The following DPP6 variants were observed in gnomAD, a reference collection of about 807,000 sequenced individuals.
DPP6 encodes the protein dipeptidyl peptidase like 6.
Under a neutral mutation model 122.6 loss-of-function variants are expected in DPP6, and 69 were observed. The ratio of observed to expected loss-of-function variants is 0.56; its 90% confidence interval spans 0.46 to 0.69. The LOEUF is 0.69. Among genes scored for constraint, DPP6 ranks in the 30% least tolerant of loss-of-function variants. The probability of loss-of-function intolerance (pLI) is 0.00; values close to 1 mark genes in which losing one functional copy is unlikely to be tolerated. For synonymous variants in DPP6, 418 were observed against 433.1 expected (o/e 0.97, Z 0.43); for missense variants, 928 against 1,116.9 (o/e 0.83, Z 2.41).
At chr7:154,036,107 C>T (rs1231927215) in intron 1 of DPP6, among the ~76,000 whole-genome samples, 5 of 151,704 alleles carry the variant, frequency 3.3e-5, no homozygotes, top group African/African-American at 1.2e-4. Context: ...AAATTGCCTG[C>T]TTTTCTCTAC....
intron 1 of DPP6, among the ~76,000 whole-genome samples, chr7:154,255,559 C>A (rs2150904223): frequency 6.6e-6 from 1 of 151,972 alleles, no homozygotes; most frequent in African/African-American, 2.4e-5. Flanking sequence ...TTGAACCAGG[C>A]AGACGTGGGG....
chr7:154,711,313 G>A (rs939502981), intron 7 of DPP6, among the ~76,000 whole-genome samples: 1 of 152,178 alleles, frequency 6.6e-6, no homozygotes, highest in Admixed American at 6.5e-5. Flanking sequence ...CAAGGCAGGA[G>A]GATTGCTTGA....
chr7:154,142,096 C>T (rs1277097147), intron 1 of DPP6, among the ~76,000 whole-genome samples: 9 of 152,092 alleles, frequency 5.9e-5, no homozygotes, highest in African/African-American at 1.2e-4. Flanking sequence ...TGAAAGATAT[C>T]GTACTCCCAG....
chr7:154,065,514 C>T (rs1563163053), intron 1 of DPP6, among the ~76,000 whole-genome samples: 1 of 151,718 alleles, frequency 6.6e-6, no homozygotes, highest in African/African-American at 2.4e-5. Flanking sequence ...GCTCTGTCCT[C>T]TTTGCTGTCC....
chr7:154,496,008 A>G (rs1386316440), intron 3 of DPP6, among the ~76,000 whole-genome samples: 1 of 152,246 alleles, frequency 6.6e-6, no homozygotes, highest in African/African-American at 2.4e-5. Flanking sequence ...GGGATTCAAC[A>G]ATAGGGAATA....
At chr7:154,547,013 C>G (rs1386257213) in intron 4 of DPP6, among the ~76,000 whole-genome samples, 1 of 152,226 alleles carries the variant, frequency 6.6e-6, no homozygotes, top group East Asian at 1.9e-4. Flanking sequence ...TTTCTTACCT[C>G]TTTCTCTTTT....
Position 154,481,123 on chromosome 7 carries a change from C to T in DPP6, c.457+6086C>T, listed in dbSNP as rs1787592700. 6.6e-6 allele frequency among the ~76,000 whole-genome samples: 1 copy of T among 152,232 alleles called. No homozygotes were observed. Among genetic ancestry groups the T allele is most frequent in the African/African-American group, 2.4e-5 (1 of 41,534 alleles). ...TACTCCGGCACCTCAGGTACTAGCT[C>T]AGGTGCAAGGAGAAGGGGATGCTTG... is the stretch of plus-strand genomic sequence containing the variant. On this transcript the variant is annotated intron_variant, in intron 3 of 25. Transcript: ENST00000377770. The surrounding 1 kb of genome is among the most constrained non-coding windows in gnomAD (Gnocchi z 4.2).
intron 7 of DPP6, among the ~76,000 whole-genome samples, chr7:154,715,049 T>TTTATCTTATC (rs113769546): frequency 2.0e-4 from 31 of 151,724 alleles, no homozygotes; most frequent in Admixed American, 1.0e-3. Flanking sequence ...TTTATTTTAT[T>TTTATCTTATC]TTATCTTATC....
chr7:154,669,614 G>T (rs1214250077), intron 7 of DPP6, among the ~76,000 whole-genome samples, 173 bp downstream of exon 7: 1 of 152,034 alleles, frequency 6.6e-6, no homozygotes, highest in African/African-American at 2.4e-5. Flanking sequence ...ATATGTAAAA[G>T]GGTCATTTCT....
chr7:154,133,487 T>G (rs987601789), intron 1 of DPP6, among the ~76,000 whole-genome samples: 1 of 152,108 alleles, frequency 6.6e-6, no homozygotes, highest in African/African-American at 2.4e-5. Flanking sequence ...AGAGAGGGGA[T>G]AAATGAGGAA....
chr7:154,384,916 A>G (rs891300874), intron 1 of DPP6, among the ~76,000 whole-genome samples: 6 of 152,022 alleles, frequency 3.9e-5, no homozygotes, highest in Non-Finnish European at 7.4e-5. Context: ...GAAATTGTCT[A>G]TACTATATTC....
intron 1 of DPP6, among the ~76,000 whole-genome samples, chr7:154,112,371 A>G (rs1425763392): frequency 6.6e-6 from 1 of 152,120 alleles, no homozygotes; most frequent in East Asian, 1.9e-4. Context: ...GTGGCCAGGC[A>G]TGGTGGCTCA....
intron 1 of DPP6, among the ~76,000 whole-genome samples, chr7:153,987,583 A>G (rs1329374189): frequency 6.6e-6 from 1 of 152,104 alleles, no homozygotes; most frequent in Non-Finnish European, 1.5e-5. Flanking sequence ...TCAGAAAACT[A>G]AATGTCAATC....
intron 1 of DPP6, among the ~76,000 whole-genome samples, chr7:154,008,265 C>T (rs1483386412): frequency 6.6e-6 from 1 of 151,788 alleles, no homozygotes; most frequent in Non-Finnish European, 1.5e-5. Flanking sequence ...GTGGGCAGCT[C>T]TCAGCTCTGG....
intron 21 of DPP6, among the ~76,000 whole-genome samples, chr7:154,883,305 C>G (rs1247281052): frequency 6.6e-6 from 1 of 150,688 alleles, no homozygotes; most frequent in Admixed American, 6.6e-5. Flanking sequence ...CATGCTCACC[C>G]ATACACCTGC....
At chr7:153,799,784 A>C in the DPP6 span, among the ~76,000 whole-genome samples, 3 of 152,218 alleles carry the variant, frequency 2.0e-5, no homozygotes, top group African/African-American at 7.2e-5. Context: ...CTATTATCCC[A>C]ATATTTATGC....
Position 153,918,427 on chromosome 7 carries a change from A to AACACAC in DPP6, c.51+30728_51+30733dup, listed in dbSNP as rs5888535. On this transcript the variant is annotated intron_variant, in intron 1 of 25. Transcript: ENST00000404039. ...CAAGGCAAAAAGAAGAGTTAATTAAAACACACACACACACACACACACACA... is the reference window on the plus strand; with the variant it reads ...CAAGGCAAAAAGAAGAGTTAATTAAAACACACACACACACACACACACACACACACA... Among the ~76,000 whole-genome samples the AACACAC allele has an allele frequency of 2.0e-3, 226 of 110,882 alleles. 1 individual carries two copies. The highest frequency in any genetic ancestry group is 7.7e-3 in the African/African-American group (207 of 27,054). The allele number at this position is 110,882 out of a possible 152,430, so 72.7% of individuals were successfully genotyped here.
At chr7:154,851,768 A>G (rs1454706269) in intron 16 of DPP6, among the ~76,000 whole-genome samples, 1 of 145,396 alleles carries the variant, frequency 6.9e-6, no homozygotes, top group African/African-American at 2.7e-5. Context: ...ACTTACAGTA[A>G]GAAAATACTT....
intron 14 of DPP6, 98 bp downstream of exon 14, chr7:154,804,053 G>A (rs1563229273): frequency 2.1e-6 from 3 of 1,432,134 alleles, no homozygotes; most frequent in Admixed American, 2.0e-5. Context: ...AGCACAGGAG[G>A]CCTCCTCTTT....
Sources: gnomAD v4.1 joint callset for allele counts (sites outside exome capture counted in the v4.1 genomes callset) on GRCh38, gnomAD v4.1.1 for gene constraint, Gnocchi (gnomAD v3.1) non-coding constraint, MANE v1.5 for transcripts, NCBI Gene and HGNC (gene_info 2026-07-23, HGNC 2026-07-21) for gene names.